The following SLC9B1 variants were observed in gnomAD, a reference collection of about 807,000 sequenced individuals.
The protein encoded by SLC9B1 is solute carrier family 9 member B1.
SLC9B1 carries 32 observed loss-of-function variants against 51.7 expected under a neutral mutation model. The ratio of observed to expected loss-of-function variants is 0.62; its 90% CI spans 0.47 to 0.83. SLC9B1 has a LOEUF of 0.83. Ranked by LOEUF, SLC9B1 falls within the 40% of genes least tolerant of loss-of-function variation. The probability of loss-of-function intolerance (pLI) is 0.00; values close to 1 mark genes in which losing one functional copy is unlikely to be tolerated. For missense variants in SLC9B1, 406 were observed against 613.2 expected (o/e 0.66, Z 3.57); for synonymous variants, 145 against 212.7 (o/e 0.68, Z 2.77).
chr4:102,888,494 C>G (rs1734056850), intron 11 of SLC9B1: 1 of 152,210 alleles, frequency 6.6e-6, no homozygotes, highest in African/African-American at 2.4e-5. Context: ...GTAATTGTAC[C>G]CACCCAGTTC....
intron 1 of SLC9B1, among the ~76,000 whole-genome samples, chr4:103,014,327 C>T (rs1027658814): frequency 6.6e-6 from 1 of 152,226 alleles, no homozygotes; most frequent in African/African-American, 2.4e-5. Context: ...CCTGACGCTA[C>T]CTTCAACATG....
At chr4:102,898,175 A>C (rs1224988271), downstream of SLC9B1, 8 of 519,390 alleles carry the variant, frequency 1.5e-5, no homozygotes, top group Non-Finnish European at 3.1e-5. Flanking sequence ...CTGTACCACA[A>C]GACCACCAAG....
downstream of SLC9B1, among the ~76,000 whole-genome samples, chr4:102,899,395 A>G (rs1734685473): frequency 6.7e-6 from 1 of 149,336 alleles, no homozygotes; most frequent in Non-Finnish European, 1.5e-5. Context: ...ACTATCTTGT[A>G]AATATATATA....
At chr4:102,942,814 A>G (rs1737068662) in intron 6 of SLC9B1, among the ~76,000 whole-genome samples, 1 of 152,196 alleles carries the variant, frequency 6.6e-6, no homozygotes, top group Admixed American at 6.5e-5. Flanking sequence ...AACAAAAACA[A>G]AGATAAATAG....
chr4:102,934,596 C>G (rs1222168482), intron 6 of SLC9B1, among the ~76,000 whole-genome samples: 1 of 151,850 alleles, frequency 6.6e-6, no homozygotes, highest in Non-Finnish European at 1.5e-5. Context: ...TGAGACCAGC[C>G]TGGCCAACAT....
intron 3 of SLC9B1, among the ~76,000 whole-genome samples, chr4:102,975,852 C>G (rs1403982466): frequency 3.3e-5 from 5 of 151,790 alleles, no homozygotes; most frequent in African/African-American, 1.2e-4. Flanking sequence ...CAGGTGTGAA[C>G]TACCACGCCT....
intron 6 of SLC9B1, among the ~76,000 whole-genome samples, chr4:102,942,973 A>C (rs1737075166): frequency 6.6e-6 from 1 of 152,108 alleles, no homozygotes; most frequent in East Asian, 1.9e-4. Flanking sequence ...ACTCTAACAA[A>C]TCAGCAAGAA....
chr4:102,985,696 T>C (rs1578401745), intron 3 of SLC9B1, among the ~76,000 whole-genome samples: 2 of 152,152 alleles, frequency 1.3e-5, no homozygotes, highest in East Asian at 3.9e-4. Flanking sequence ...GCTAATTTTT[T>C]GTATTTTTAG....
intron 1 of SLC9B1, among the ~76,000 whole-genome samples, chr4:103,010,655 G>A (rs896573531): frequency 5.9e-5 from 9 of 152,322 alleles, no homozygotes; most frequent in Middle Eastern, 3.4e-3. Flanking sequence ...CCAAAATGGT[G>A]CCTTGAATGC....
chr4:103,013,408 T>C (rs922062886), intron 1 of SLC9B1, among the ~76,000 whole-genome samples: 9 of 152,228 alleles, frequency 5.9e-5, no homozygotes, highest in Non-Finnish European at 1.3e-4. Context: ...CCTTTCTTTG[T>C]CTTTGTTAGT....
downstream of SLC9B1, among the ~76,000 whole-genome samples, chr4:102,896,086 C>T (rs1734520792): frequency 6.6e-6 from 1 of 152,176 alleles, no homozygotes; most frequent in East Asian, 1.9e-4. Context: ...ACAGATAAAC[C>T]CTAGGCTGTA....
intron 1 of SLC9B1, among the ~76,000 whole-genome samples, chr4:103,005,717 C>T (rs1458498096): frequency 6.6e-6 from 1 of 152,098 alleles, no homozygotes; most frequent in Non-Finnish European, 1.5e-5. Flanking sequence ...TAAAACAATT[C>T]TCAGCAAATT....
chr4:102,936,830 G>A (rs1233547755), intron 6 of SLC9B1, among the ~76,000 whole-genome samples: 1 of 152,140 alleles, frequency 6.6e-6, no homozygotes, highest in Non-Finnish European at 1.5e-5. Context: ...ACATATTTGA[G>A]GATACTGCCC....
intron 3 of SLC9B1, among the ~76,000 whole-genome samples, chr4:102,970,010 G>T (rs1373271964): frequency 3.3e-5 from 5 of 152,210 alleles, no homozygotes; most frequent in Admixed American, 6.5e-5. Flanking sequence ...ATCTAAGTTT[G>T]ATTGGTGTAC....
At chr4:102,911,586 T>G (rs1362212259) in intron 7 of SLC9B1, 49 bp from the exon 8 acceptor site, 1 of 1,182,530 alleles carries the variant, frequency 8.5e-7, no homozygotes, top group Non-Finnish European at 1.2e-6. Flanking sequence ...TATCTTCACA[T>G]ACACTACACA....
rs200797936 is a variant in SLC9B1 at position 102,987,564 on chromosome 4, AT to A, written c.211+2235del. Among the ~76,000 whole-genome samples, 91 of 151,386 alleles carry A rather than the reference AT, an allele frequency of 6.0e-4. 1 individual carries two copies. The highest frequency in any genetic ancestry group is 1.5e-3 in the African/African-American group (63 of 41,220). ...TGTGTAGGTTAGGCTCTGATAAAAAATTTTTTTTTGGGGGGCAGACTTTGTA... is the reference window on the plus strand; with the variant it reads ...TGTGTAGGTTAGGCTCTGATAAAAAATTTTTTTTGGGGGGCAGACTTTGTA... On this transcript the variant is annotated intron_variant, in intron 3 of 11. Transcript: ENST00000296422.
Position 102,905,515 on chromosome 4 carries a change from T to C in SLC9B1, c.1331A>G (p.Gln444Arg), listed in dbSNP as rs1306382025. The C allele has an allele frequency of 6.8e-6, 11 of 1,609,736 alleles. No homozygotes were observed. The highest frequency in any genetic ancestry group is 9.3e-6 in the Non-Finnish European group (11 of 1,178,566). The change falls in exon 11 of 12, where the codon CAG becomes CGG. Residue 444 changes from glutamine (Q) to arginine (R), a missense_variant and splice_region_variant. By Grantham distance (43) the Gln-to-Arg change is conservative (BLOSUM62 1). Transcript: ENST00000296422. ...GCAACAGGCTTAATATGTTCTTACC[T>C]GTACTGTAGCTTTGGGCATCCATGC... Reference protein sequence around the residue: ...ALAWMPKATVQAVLGPLALET... With the variant: ...ALAWMPKATVRAVLGPLALET...
chr4:103,012,328 A>G (rs1156989517), intron 1 of SLC9B1, among the ~76,000 whole-genome samples: 1 of 152,154 alleles, frequency 6.6e-6, no homozygotes, highest in African/African-American at 2.4e-5. Context: ...TTCTAGTAAG[A>G]CATTCTTTAT....
chr4:102,956,622 T>TAAC (rs894852148), intron 3 of SLC9B1, among the ~76,000 whole-genome samples: 1 of 151,744 alleles, frequency 6.6e-6, no homozygotes, highest in Non-Finnish European at 1.5e-5. Flanking sequence ...AAAACAACAA[T>TAAC]AACAACAACA....
Sources: allele counts gnomAD v4.1 joint callset (sites outside exome capture counted in the v4.1 genomes callset), GRCh38; gene constraint gnomAD v4.1.1; transcripts MANE v1.5; gene names NCBI Gene and HGNC (gene_info 2026-07-23, HGNC 2026-07-21).